The following CST3 variants were observed in gnomAD, a reference collection of about 807,000 sequenced individuals.
The protein encoded by CST3 is cystatin-C.
Under a neutral mutation model 9.0 loss-of-function variants are expected in CST3, and 14 were observed. That is an observed-to-expected ratio of 1.56 (90% confidence interval 1.03 to 2.44). The LOEUF (loss-of-function observed/expected upper bound fraction) is 2.44, where lower values mean the gene tolerates loss of function less well. Among genes scored for constraint, CST3 ranks in the 30% most tolerant of loss-of-function variants. CST3 has a pLI of 0.00. For synonymous variants in CST3, 96 were observed against 90.2 expected (o/e 1.06, Z -0.37); for missense variants, 237 against 204.3 (o/e 1.16, Z -0.98).
At chr20:23,635,111 G>A in intron 2 of CST3, 143 bp downstream of exon 2, 1 of 769,508 alleles carries the variant, frequency 1.3e-6, no homozygotes, top group Non-Finnish European at 2.3e-6. Context: ...ACCTATACTT[G>A]GAAACACATA....
Position 23,635,408 on chromosome 20 carries a change from TGTCA to T in CST3, c.244-45_244-42del, listed in dbSNP as rs533729579. On this transcript the variant is annotated intron_variant, in intron 1 of 2. Transcript: ENST00000376925. Reference sequence around the variant, plus strand: ...AGCAGGAGGCAGGGACAGCACGTTCTGTCAGTTTCTTACACACACAGGCACTTCA... The same window carrying T: ...AGCAGGAGGCAGGGACAGCACGTTCTGTTTCTTACACACACAGGCACTTCA... The T allele has an allele frequency of 5.4e-4, 842 of 1,550,900 alleles. 1 individual carries two copies. The highest frequency in any genetic ancestry group is 1.8e-3 in the Admixed American group (102 of 55,856).
downstream of CST3, among the ~76,000 whole-genome samples, chr20:23,629,801 T>C (rs764900043): frequency 1.3e-4 from 20 of 152,108 alleles, no homozygotes; most frequent in Non-Finnish European, 2.5e-4. Flanking sequence ...GCCAAGGGCA[T>C]TTCAAGGACA....
rs1399471602 is a variant in CST3, at chr20:23,637,604, G to T, written c.243+16C>A. ...GCGGGGCCGGGGCTTCGGACCCTGC[G>T]GGGGGCGGCACGCACCTGCTTGCGG... On this transcript the variant is annotated intron_variant, in intron 1 of 2. Transcript: ENST00000376925. 2 of 1,507,734 alleles carry T rather than the reference G, an allele frequency of 1.3e-6. No individual in the cohort carries two copies. The highest frequency in any genetic ancestry group is 1.3e-5 in the South Asian group (1 of 79,714). The allele number at this position is 1,507,734 out of a possible 1,614,324, so 93.4% of individuals were successfully genotyped here. A position where few individuals can be genotyped will look rare whatever the true frequency, so the allele number is the denominator to read the frequency against.
At chr20:23,629,744 A>AT (rs1979382405), downstream of CST3, among the ~76,000 whole-genome samples, 1 of 139,490 alleles carries the variant, frequency 7.2e-6, no homozygotes, top group Non-Finnish European at 1.5e-5. Flanking sequence ...TGGGGGGGGG[A>AT]GGGGGTGGAA....
chr20:23,636,646 C>A (rs1337444807), intron 1 of CST3, among the ~76,000 whole-genome samples: 2 of 152,150 alleles, frequency 1.3e-5, no homozygotes, highest in Non-Finnish European at 2.9e-5. Context: ...GAGGATGAGC[C>A]GCATGGCCTA....
exon 4 of CST3, chr20:23,627,051 C>T (rs1979280413): frequency 6.6e-6 from 1 of 152,168 alleles, no homozygotes; most frequent in Non-Finnish European, 1.5e-5. Context: ...TTTTCACATA[C>T]CTCACCCACT....
rs751630329 is a variant in CST3 at position 23,635,287 on chromosome 20, G to A, written c.324C>T (p.Asn108=). 10 of 1,614,174 alleles carry A rather than the reference G, an allele frequency of 6.2e-6. No homozygotes were observed. The highest frequency in any genetic ancestry group is 1.6e-4 in the Middle Eastern group (1 of 6,062). ...TCTKTQPNLD[N]CPFHDQPHLK... is the part of the protein sequence containing the mutation. ...GATGTGGCTGGTCATGGAAGGGGCA[G>A]TTGTCCAAGTTGGGCTGGGTCTTGG... The change falls in exon 2 of 3, where the codon AAC becomes AAT. Residue 108 remains asparagine (N), a synonymous_variant. Transcript: ENST00000376925.
At chr20:23,630,414 G>A (rs1648386199), downstream of CST3, among the ~76,000 whole-genome samples, 1 of 152,220 alleles carries the variant, frequency 6.6e-6, no homozygotes, top group African/African-American at 2.4e-5. Flanking sequence ...CACCAAGGGT[G>A]AGAGCAGGTA....
At chr20:23,635,478 A>ACCTT in intron 1 of CST3, 111 bp from the exon 2 acceptor site, 1 of 922,138 alleles carries the variant, frequency 1.1e-6, no homozygotes, top group South Asian at 1.4e-5. Flanking sequence ...CTTCAAGCCT[A>ACCTT]CCTTCATGAG....
At chr20:23,629,061 CA>C (rs1312662673), downstream of CST3, 2 of 152,196 alleles carry the variant, frequency 1.3e-5, no homozygotes, top group Non-Finnish European at 2.9e-5. Context: ...GGGTCCTGGG[CA>C]GCCACACATA....
chr20:23,627,235 C>T (rs968177553), exon 4 of CST3: 1 of 152,180 alleles, frequency 6.6e-6, no homozygotes, highest in African/African-American at 2.4e-5. Flanking sequence ...TGTCTCTATA[C>T]ATTTTTCTGT....
intron 1 of CST3, 134 bp downstream of exon 1, chr20:23,637,486 A>G: frequency 3.3e-6 from 3 of 904,000 alleles, no homozygotes; most frequent in Non-Finnish European, 4.6e-6. Flanking sequence ...CGGGGGTGAC[A>G]GCGAAGACCG....
downstream of CST3, among the ~76,000 whole-genome samples, chr20:23,633,267 G>A (rs1403641431): frequency 6.6e-6 from 1 of 152,172 alleles, no homozygotes; most frequent in Admixed American, 6.5e-5. Flanking sequence ...AACTCTGCAA[G>A]CACAGATGGA....
chr20:23,626,742 G>A (rs2424572), exon 4 of CST3: 148,232 of 152,286 alleles, frequency 0.97, 72,279 homozygotes, highest in East Asian at 1. Context: ...TGTGGGCTGT[G>A]ATTTCTTTAG....
downstream of CST3, among the ~76,000 whole-genome samples, chr20:23,630,268 C>T (rs1037334988): frequency 1.3e-5 from 2 of 152,212 alleles, no homozygotes; most frequent in African/African-American, 4.8e-5. Flanking sequence ...AAGCTTGAGA[C>T]TAGAGTTCAG....
downstream of CST3, among the ~76,000 whole-genome samples, chr20:23,630,061 G>T (rs922769682): frequency 2.0e-5 from 3 of 152,340 alleles, no homozygotes; most frequent in African/African-American, 7.2e-5. Context: ...GCTGCAATTT[G>T]CAGATGTTTT....
exon 4 of CST3, chr20:23,627,758 TC>T (rs1979304737): frequency 6.6e-6 from 1 of 152,228 alleles, no homozygotes; most frequent in Non-Finnish European, 1.5e-5. Context: ...ATTTGCCTTT[TC>T]CTAATAGCTA....
At chr20:23,632,707 T>A (rs1039376385), downstream of CST3, among the ~76,000 whole-genome samples, 4 of 152,100 alleles carry the variant, frequency 2.6e-5, no homozygotes, top group Non-Finnish European at 5.9e-5. Context: ...GCTCCGAGGT[T>A]GGAAGGTACC....
At chr20:23,627,724 A>G (rs1326103066) in exon 4 of CST3, 1 of 152,168 alleles carries the variant, frequency 6.6e-6, no homozygotes, top group East Asian at 1.9e-4. Flanking sequence ...AGTGGCTTTG[A>G]AGCTGCTTTT....
Sources: gnomAD v4.1 joint callset for allele counts (sites outside exome capture counted in the v4.1 genomes callset) on GRCh38, gnomAD v4.1.1 for gene constraint, MANE v1.5 for transcripts, NCBI Gene and HGNC (gene_info 2026-07-23, HGNC 2026-07-21) for gene names.